Variants in DNAH17 observed in about 807,000 individuals in gnomAD.
The protein encoded by DNAH17 is axonemal beta dynein heavy chain 17.
DNAH17 carries 376 observed loss-of-function variants against 485.6 expected under a neutral mutation model. That is an observed-to-expected ratio of 0.77 (90% CI 0.71 to 0.84). The LOEUF is 0.84. DNAH17 is among the 40% of genes least tolerant of loss of function. DNAH17 has a pLI of 0.00. For synonymous variants in DNAH17, 3,031 were observed against 2,405.9 expected (o/e 1.26, Z -7.60); for missense variants, 6,370 against 5,839.3 (o/e 1.09, Z -2.96).
Position 78,574,062 on chromosome 17 carries a change from C to T in DNAH17, c.345+651G>A, listed in dbSNP as rs1359133363. Among the ~76,000 whole-genome samples the T allele has an allele frequency of 2.6e-5, 4 of 152,192 alleles. 1 individual carries two copies. Among genetic ancestry groups the T allele is most frequent in the Admixed American group, 2.6e-4 (4 of 15,286 alleles). On this transcript the variant is annotated intron_variant, in intron 2 of 80. Transcript: ENST00000389840. ...AACCTATCTGCCAGTACTCAGTCCC[C>T]ACCTTCCCAGGCCATGGGCAGCAAC...
chr17:78,510,311 G>A (rs540015777), intron 27 of DNAH17, 73 bp downstream of exon 27: 133 of 1,584,400 alleles, frequency 8.4e-5, no homozygotes, highest in South Asian at 2.8e-4. Flanking sequence ...CCCTCTGGGC[G>A]CTCTCAGTGG....
At position 78,535,359 on chromosome 17, in the gene DNAH17, C is replaced by T. The variant is rs2091347041; in HGVS notation, c.2859+1940G>A. Among the ~76,000 whole-genome samples the T allele has an allele frequency of 2.0e-5, 3 of 152,198 alleles. No individual in the cohort carries two copies. In the South Asian group the frequency reaches 6.2e-4, roughly 32 times the overall value. On this transcript the variant is annotated intron_variant, in intron 19 of 80. Transcript: ENST00000389840. ...CACAGCCATCTTCTCAGCATGGAAA[C>T]CTCCTCCCACCCTTCCAGAATCCGC...
Position 78,429,212 on chromosome 17 carries a change from G to A in DNAH17, c.12314C>T (p.Thr4105Ile). ...CGTCCGGATGTATTCAGCCAGGTAG[G>A]TCCTGCACAGCCGACGGTCCCAGTC... ...TDDWDRRLCR[T>I]YLAEYIRTEM... Residue 4105 changes from threonine to isoleucine, a missense_variant, in exon 76 of 81, where the codon ACC (threonine) becomes ATC (isoleucine). Transcript: ENST00000389840. 4 of 1,613,852 alleles carry A rather than the reference G, an allele frequency of 2.5e-6. No homozygotes were observed. Among genetic ancestry groups the A allele is most frequent in the Non-Finnish European group, 3.4e-6 (4 of 1,179,888 alleles).
In DNAH17 at chr17:78,426,959, G is replaced by A. The variant is rs750949715; in HGVS notation, c.12738C>T (p.Arg4246=). The A allele has an allele frequency of 1.9e-6, 3 of 1,610,146 alleles. No individual in the cohort carries two copies. In the East Asian group the frequency reaches 6.7e-5, roughly 36 times the overall value. The change falls in exon 78 of 81, where the codon CGC becomes CGT. Residue 4246 remains arginine (R), a synonymous_variant. Coordinates refer to ENST00000389840, the MANE Select transcript of DNAH17 (RefSeq NM_173628.4). The stretch of plus-strand genomic sequence containing the variant: ...CCAGGTTCAGCTCCTTGAGCGAACG[G>A]CGCATTTCGTTGGTCAGGATGTTCA... ...ERMNILTNEM[R]RSLKELNLGL...
intron 57 of DNAH17, among the ~76,000 whole-genome samples, chr17:78,462,174 A>G (rs1250208902): frequency 6.7e-6 from 1 of 149,454 alleles, no homozygotes; most frequent in East Asian, 2.0e-4. Context: ...TCTGTCTCAA[A>G]TGCCAAGTGA....
At chr17:78,539,455 G>A (rs1215051603) in intron 18 of DNAH17, among the ~76,000 whole-genome samples, 1 of 152,054 alleles carries the variant, frequency 6.6e-6, no homozygotes. Flanking sequence ...CCTTCACCTG[G>A]CAGTGAGGCA....
chr17:78,508,818 AT>A (rs957478064), intron 27 of DNAH17, among the ~76,000 whole-genome samples: 2 of 151,626 alleles, frequency 1.3e-5, no homozygotes, highest in Admixed American at 1.3e-4. Flanking sequence ...AAAAATTATA[AT>A]TTTTTTTAGG....
intron 17 of DNAH17, among the ~76,000 whole-genome samples, chr17:78,540,447 A>ATGGGTGGGTGGATGGGTGGG (rs1555687976): frequency 1.6e-4 from 1 of 6,314 alleles, no homozygotes. Flanking sequence ...GGATGGATGG[A>ATGGGTGGGTGGATGGGTGGG]TGGGTGGGTG....
chr17:78,465,154 G>A (rs2146548830), intron 56 of DNAH17, among the ~76,000 whole-genome samples: 1 of 152,356 alleles, frequency 6.6e-6, no homozygotes, highest in South Asian at 2.1e-4. Flanking sequence ...CCAGTCTCCA[G>A]CCCCTAACCG....
intron 36 of DNAH17, chr17:78,499,482 A>AC (rs1204390950): frequency 5.0e-5 from 8 of 158,924 alleles, no homozygotes; most frequent in African/African-American, 1.9e-4. Context: ...GGATGGGGGC[A>AC]CGTCTAGCAG....
intron 16 of DNAH17, among the ~76,000 whole-genome samples, chr17:78,545,748 CTCT>C (rs1157918026): frequency 2.0e-5 from 3 of 152,160 alleles, no homozygotes; most frequent in Non-Finnish European, 4.4e-5. Flanking sequence ...CATTTTTCAA[CTCT>C]TCTAATAGCT....
chr17:78,506,943 G>A, intron 29 of DNAH17, 97 bp from the exon 30 acceptor site: 1 of 1,530,330 alleles, frequency 6.5e-7, no homozygotes, highest in Non-Finnish European at 8.9e-7. Context: ...TCATCCTGGA[G>A]ATGCCTGGAC....
Position 78,424,057 on chromosome 17 carries a change from A to G in DNAH17, c.13238T>C (p.Val4413Ala). 1 of 1,614,072 alleles carries G rather than the reference A, an allele frequency of 6.2e-7. No homozygotes were observed. The highest frequency in any genetic ancestry group is 1.6e-4 in the Middle Eastern group (1 of 6,062). The part of the protein sequence containing the change: ...MPVIFIKAIP[V>A]DRMETKNIYE... ...GATGTTCTTGGTCTCCATGCGGTCC[A>G]CAGGAATGGCCTTGATGAAGATGAC... Residue 4413 changes from valine to alanine, a missense_variant, in exon 81 of 81, where the codon GTG becomes GCG. Coordinates refer to ENST00000389840, the MANE Select transcript of DNAH17 (RefSeq NM_173628.4).
At chr17:78,523,767 C>T (rs77946188) in intron 25 of DNAH17, among the ~76,000 whole-genome samples, 9,248 of 152,154 alleles carry the variant, frequency 0.061, 384 homozygotes, top group South Asian at 0.13. Flanking sequence ...ATTAGCTAGA[C>T]GTAGTGGCGC....
At chr17:78,553,508 G>C (rs1160414283) in intron 14 of DNAH17, among the ~76,000 whole-genome samples, 3 of 151,870 alleles carry the variant, frequency 2.0e-5, no homozygotes, top group Admixed American at 6.6e-5. Context: ...CACTATGTTG[G>C]CCAGGCTGGT....
intron 22 of DNAH17, 41 bp from the exon 23 acceptor site, chr17:78,527,037 C>G: frequency 6.8e-7 from 1 of 1,476,436 alleles, no homozygotes; most frequent in Non-Finnish European, 9.1e-7. Context: ...TTTCTCATTT[C>G]TTTTCTTAAA....
chr17:78,526,662 A>T lies in DNAH17; in HGVS notation c.3700T>A (p.Ser1234Thr). 6.2e-7 allele frequency: 1 copy of T among 1,607,040 alleles called. No individual in the cohort carries two copies. Among genetic ancestry groups the T allele is most frequent in the Non-Finnish European group, 8.5e-7 (1 of 1,175,048 alleles). Residue 1234 changes from serine (S) to threonine (T), a missense_variant, in exon 24 of 81, where the codon TCC (serine) becomes ACC (threonine). Coordinates refer to ENST00000389840, the MANE Select transcript of DNAH17 (RefSeq NM_173628.4). Reference sequence around the variant, plus strand: ...TTGAGCAAAAATACCTTATTCAGGGACTTGTAGGGGTTGGGGTCGCTGAAG... The same window carrying T: ...TTGAGCAAAAATACCTTATTCAGGGTCTTGTAGGGGTTGGGGTCGCTGAAG... ...FSFSDPNPYK[S>T]LNKQQKSISA...
rs536570920 is a variant in DNAH17, at chr17:78,556,925, C to T, written c.2178+1183G>A. 3.3e-5 allele frequency among the ~76,000 whole-genome samples: 5 copies of T among 152,310 alleles called. No homozygotes were observed. In the East Asian group the frequency reaches 7.7e-4, roughly 23 times the overall value. ...GAAAGCAGACAGAGAAAACAGAACA[C>T]GTATGATACCATTGCCCTCCGGTTC... is the stretch of plus-strand genomic sequence containing the variant. On this transcript the variant is annotated intron_variant, in intron 14 of 80. Coordinates refer to ENST00000389840, the MANE Select transcript of DNAH17 (RefSeq NM_173628.4).
chr17:78,572,398 C>A (rs1363651395), intron 3 of DNAH17, among the ~76,000 whole-genome samples: 2 of 152,122 alleles, frequency 1.3e-5, no homozygotes, highest in African/African-American at 2.4e-5. Context: ...AGGTGGGACA[C>A]CTTCTGCTTG....
Sources: allele counts gnomAD v4.1 joint callset (sites outside exome capture counted in the v4.1 genomes callset), GRCh38; gene constraint gnomAD v4.1.1; transcripts MANE v1.5; gene names NCBI Gene and HGNC (gene_info 2026-07-23, HGNC 2026-07-21).